BMP8A: variants seen among roughly 807,000 people sequenced by gnomAD.
BMP8A encodes the protein BMP-8A.
A neutral mutation model predicts 36.8 loss-of-function variants in BMP8A; 14 were observed. The observed-to-expected ratio is 0.38, with a 90% CI of 0.25 to 0.60. BMP8A has a LOEUF of 0.60. Ranked by LOEUF, BMP8A falls within the 20% of genes least tolerant of loss-of-function variation. The probability of loss-of-function intolerance (pLI) is 0.63; values close to 1 mark genes in which losing one functional copy is unlikely to be tolerated. For missense variants in BMP8A, 267 were observed against 551.1 expected (o/e 0.48, Z 5.16); for synonymous variants, 120 against 237.7 (o/e 0.50, Z 4.55).
chr1:39,509,065 C>G (rs1032029296), intron 1 of BMP8A, among the ~76,000 whole-genome samples: 1 of 152,186 alleles, frequency 6.6e-6, no homozygotes, highest in Non-Finnish European at 1.5e-5. Context: ...GGGCTGTTCC[C>G]TCAGTCCTCA....
At chr1:39,507,242 T>C (rs1179124787) in intron 1 of BMP8A, among the ~76,000 whole-genome samples, 1 of 152,208 alleles carries the variant, frequency 6.6e-6, no homozygotes, top group African/African-American at 2.4e-5. Flanking sequence ...CCAGCCTATC[T>C]GAATCTGACA....
chr1:39,523,546 G>C, intron 6 of BMP8A: 2 of 1,382,616 alleles, frequency 1.4e-6, no homozygotes, highest in Non-Finnish European at 1.9e-6. Context: ...TGGGGTGTGC[G>C]TGTGCACTCA....
chr1:39,494,496 G>A (rs893937510), intron 1 of BMP8A, among the ~76,000 whole-genome samples: 8 of 151,590 alleles, frequency 5.3e-5, no homozygotes, highest in Admixed American at 5.3e-4. Context: ...GGCTACAGTC[G>A]CACACCACCA....
intron 1 of BMP8A, among the ~76,000 whole-genome samples, chr1:39,503,380 A>G (rs1448322768): frequency 1.3e-5 from 2 of 151,792 alleles, no homozygotes; most frequent in Non-Finnish European, 2.9e-5. Flanking sequence ...GAAAATCACT[A>G]TTGGCTCATG....
chr1:39,502,153 G>A (rs564179539), intron 1 of BMP8A, among the ~76,000 whole-genome samples: 43 of 149,014 alleles, frequency 2.9e-4, no homozygotes, highest in African/African-American at 1.1e-3. Flanking sequence ...CAGGAGAATC[G>A]CTTGAACCCA....
At chr1:39,509,365 G>A (rs1022876795) in intron 1 of BMP8A, among the ~76,000 whole-genome samples, 1 of 152,214 alleles carries the variant, frequency 6.6e-6, no homozygotes, top group Non-Finnish European at 1.5e-5. Context: ...TGTTGTGTGA[G>A]TGTGTTAGGG....
rs1429745318 is a variant in BMP8A at position 39,519,503 on chromosome 1, C to T, written c.674-1873C>T. On this transcript the variant is annotated intron_variant, in intron 3 of 6. Transcript: ENST00000331593. ...GTTAGCATCTGCAGCTCACAGCCTC[C>T]CTGTCTCAGCAGCTCTTGTCCATGC... Among the ~76,000 whole-genome samples, 8 of 145,092 alleles carry T rather than the reference C, an allele frequency of 5.5e-5. No homozygotes were observed. In the East Asian group the frequency reaches 1.4e-3, roughly 26 times the overall value.
chr1:39,504,588 A>G (rs1295325080), intron 1 of BMP8A, among the ~76,000 whole-genome samples: 1 of 152,056 alleles, frequency 6.6e-6, no homozygotes, highest in Non-Finnish European at 1.5e-5. Flanking sequence ...CAAGCCCCAC[A>G]TTGGGCGTCA....
At chr1:39,516,773 C>G (rs1412793173) in intron 3 of BMP8A, among the ~76,000 whole-genome samples, 2 of 152,072 alleles carry the variant, frequency 1.3e-5, no homozygotes, top group Non-Finnish European at 2.9e-5. Context: ...GCGTGCACAG[C>G]TCAGCGCATT....
intron 6 of BMP8A, chr1:39,523,880 A>G: frequency 3.0e-6 from 1 of 327,916 alleles, no homozygotes; most frequent in Non-Finnish European, 5.2e-6. Flanking sequence ...TGCCTTGATC[A>G]GGCGCAGTGG....
Position 39,528,595 on chromosome 1 carries a change from G to A in BMP8A, c.*2797G>A, listed in dbSNP as rs1250273062. ...CTTTGTCTTTACATAGGGACCGGGC[G>A]ATGCGCTTTAGAGAAATTCCCTATT... On this transcript the variant is annotated 3_prime_UTR_variant, in exon 7 of 7. Coordinates refer to ENST00000331593, the MANE Select transcript of BMP8A (RefSeq NM_181809.4). 2.0e-5 allele frequency among the ~76,000 whole-genome samples: 3 copies of A among 152,054 alleles called. No homozygotes were observed. The highest frequency in any genetic ancestry group is 4.8e-5 in the African/African-American group (2 of 41,384).
chr1:39,514,606 G>A (rs1174678364), intron 3 of BMP8A, among the ~76,000 whole-genome samples: 6 of 151,764 alleles, frequency 4.0e-5, no homozygotes, highest in Admixed American at 2.0e-4. Flanking sequence ...AATGAGCTGG[G>A]GAAGCTGGGG....
chr1:39,500,109 C>G (rs1457169208), intron 1 of BMP8A, among the ~76,000 whole-genome samples: 1 of 152,200 alleles, frequency 6.6e-6, no homozygotes. Context: ...CCACTAGATT[C>G]CAACCACACC....
intron 3 of BMP8A, among the ~76,000 whole-genome samples, chr1:39,514,765 C>T (rs1645382316): frequency 6.6e-6 from 1 of 152,206 alleles, no homozygotes; most frequent in Non-Finnish European, 1.5e-5. Context: ...ACTCGGGGCC[C>T]CCAGCCCAGG....
At chr1:39,508,580 T>C (rs1409596995) in intron 1 of BMP8A, among the ~76,000 whole-genome samples, 3 of 152,224 alleles carry the variant, frequency 2.0e-5, no homozygotes, top group Non-Finnish European at 4.4e-5. Context: ...AATGCTCTCT[T>C]AGCAGCTAAA....
intron 1 of BMP8A, among the ~76,000 whole-genome samples, chr1:39,495,790 A>G (rs2124308494): frequency 6.6e-6 from 1 of 150,518 alleles, no homozygotes; most frequent in South Asian, 2.1e-4. Context: ...ACCTCTGCAC[A>G]CTCCTTCTGA....
chr1:39,507,893 G>A (rs1229785530), intron 1 of BMP8A, among the ~76,000 whole-genome samples: 3 of 152,198 alleles, frequency 2.0e-5, no homozygotes, highest in African/African-American at 7.2e-5. Flanking sequence ...AGATCAGGCA[G>A]GTGAAAAGGA....
intron 1 of BMP8A, among the ~76,000 whole-genome samples, chr1:39,496,421 CCA>C (rs1645205869): frequency 6.7e-6 from 1 of 150,332 alleles, no homozygotes; most frequent in Non-Finnish European, 1.5e-5. Flanking sequence ...GACCTGAGAC[CCA>C]CACACAAGGA....
At position 39,524,541 on chromosome 1, in the gene BMP8A, G is replaced by C. The variant is rs963287729; in HGVS notation, c.1060-1108G>C. On this transcript the variant is annotated intron_variant, in intron 6 of 6. Coordinates refer to ENST00000331593, the MANE Select transcript of BMP8A (RefSeq NM_181809.4). This position sits in a 1 kb window ranked among gnomAD's most constrained non-coding sequence, Gnocchi z 4.0. The stretch of plus-strand genomic sequence containing the variant: ...GTGCAAGGCCCTAAGACAGGAGCAG[G>C]CTGGCCCTAAGTTCAGGGCCAGCAG... Among the ~76,000 whole-genome samples, 2 of 152,168 alleles carry C rather than the reference G, an allele frequency of 1.3e-5. No homozygotes were observed. Among genetic ancestry groups the C allele is most frequent in the African/African-American group, 4.8e-5 (2 of 41,422 alleles).
Sources: gnomAD v4.1 joint callset for allele counts (sites outside exome capture counted in the v4.1 genomes callset) on GRCh38, gnomAD v4.1.1 for gene constraint, Gnocchi (gnomAD v3.1) non-coding constraint, MANE v1.5 for transcripts, NCBI Gene and HGNC (gene_info 2026-07-23, HGNC 2026-07-21) for gene names.